Variants in MACC1 observed in about 807,000 individuals in gnomAD.
The protein encoded by MACC1 is metastasis-associated in colon cancer protein 1.
In MACC1, 79 loss-of-function variants were observed where a neutral mutation model predicts 70.7. The ratio of observed to expected loss-of-function variants is 1.12; its 90% CI spans 0.93 to 1.35. The LOEUF is 1.35. Ranked by LOEUF, MACC1 falls within the 40% of genes most tolerant of loss-of-function variation. MACC1 has a pLI of 0.00. For synonymous variants in MACC1, 361 were observed against 347.2 expected, an observed-to-expected ratio of 1.04 and a Z score of -0.44; for missense variants, 1,106 against 978.1, an observed-to-expected ratio of 1.13 and a Z score of -1.74.
At chr7:20,198,410 A>G (rs1782785560) in intron 1 of MACC1, 1 of 152,250 alleles carries the variant, frequency 6.6e-6, no homozygotes, top group South Asian at 2.1e-4. Context: ...TCCAGGATAT[A>G]AACAATGAAC....
At chr7:20,181,154 A>G (rs1284775804) in intron 1 of MACC1, among the ~76,000 whole-genome samples, 3 of 152,024 alleles carry the variant, frequency 2.0e-5, no homozygotes, top group African/African-American at 7.2e-5. Context: ...TGTACACATA[A>G]ACATGAAAGA....
At position 20,192,227 on chromosome 7, in the gene MACC1, T is replaced by C. The variant is rs1328513664; in HGVS notation, c.-217-21449A>G. Among the ~76,000 whole-genome samples the C allele has an allele frequency of 4.6e-5, 7 of 152,306 alleles. No homozygotes were observed. The East Asian group carries it at 1.3e-3, about 29-fold the overall frequency. On this transcript the variant is annotated intron_variant, in intron 1 of 6. Coordinates refer to ENST00000400331, the MANE Select transcript of MACC1 (RefSeq NM_182762.4). ...TTTCAAATTCCAATATAGGGTATTA[T>C]TGAGCAGGTAAACAATTAAGGAAAA...
At chr7:20,168,603 A>G (rs1782256110) in intron 2 of MACC1, among the ~76,000 whole-genome samples, 1 of 152,142 alleles carries the variant, frequency 6.6e-6, no homozygotes, top group African/African-American at 2.4e-5. Context: ...TCAACAGTAA[A>G]TCTCTTTAAT....
chr7:20,188,192 G>T (rs1384592642), intron 1 of MACC1, among the ~76,000 whole-genome samples: 3 of 152,214 alleles, frequency 2.0e-5, no homozygotes, highest in African/African-American at 7.2e-5. Context: ...CTTGACAGGT[G>T]AGGATTATTC....
At chr7:20,178,958 T>G (rs1353799483) in intron 1 of MACC1, among the ~76,000 whole-genome samples, 1 of 152,144 alleles carries the variant, frequency 6.6e-6, no homozygotes, top group Non-Finnish European at 1.5e-5. Context: ...CTGAAAAACA[T>G]TCAACTATTT....
chr7:20,151,072 A>G (rs796460413), intron 6 of MACC1, among the ~76,000 whole-genome samples: 18 of 151,786 alleles, frequency 1.2e-4, no homozygotes, highest in African/African-American at 4.1e-4. Context: ...AAAAAAAAAG[A>G]AAGGAAGTGA....
intron 6 of MACC1, among the ~76,000 whole-genome samples, chr7:20,142,599 A>G (rs1289220186): frequency 6.6e-6 from 1 of 152,206 alleles, no homozygotes; most frequent in East Asian, 1.9e-4. Flanking sequence ...ATTTCTGAAG[A>G]TTTACATTGA....
intron 2 of MACC1, among the ~76,000 whole-genome samples, chr7:20,169,968 A>G (rs1463323679): frequency 2.0e-5 from 3 of 152,104 alleles, no homozygotes; most frequent in Admixed American, 6.5e-5. Flanking sequence ...TCTCCTCTCA[A>G]TCAGATGTCT....
rs977056880 is a variant in MACC1, at chr7:20,134,724, G to A, written c.*6222C>T. On this transcript the variant is annotated 3_prime_UTR_variant, in exon 7 of 7. Transcript: ENST00000400331. ...TGCCCCAGTAAATTCCATGTATTGA[G>A]TTTAAGTGAGCATATAAACATTAGG... is the stretch of plus-strand genomic sequence containing the variant. The A allele has an allele frequency of 3.3e-5, 5 of 152,140 alleles. No individual in the cohort carries two copies. Among genetic ancestry groups the A allele is most frequent in the African/African-American group, 1.2e-4 (5 of 41,442 alleles). 9.4% of individuals were successfully genotyped at this position (152,140 alleles called of 1,614,324 possible).
At chr7:20,155,097 A>G (rs1018141234) in intron 5 of MACC1, among the ~76,000 whole-genome samples, 9 of 152,172 alleles carry the variant, frequency 5.9e-5, no homozygotes, top group Non-Finnish European at 1.2e-4. Context: ...GCTCTTACCT[A>G]ACCATGCATG....
intron 1 of MACC1, among the ~76,000 whole-genome samples, 188 bp downstream of exon 1, chr7:20,217,110 TG>T: frequency 6.6e-6 from 1 of 152,302 alleles, no homozygotes; most frequent in Non-Finnish European, 1.5e-5. Context: ...TTCTATTCTA[TG>T]TCATGAGGTT....
At position 20,137,222 on chromosome 7, in the gene MACC1, A is replaced by G. The variant is rs536399961; in HGVS notation, c.*3724T>C. 2 of 152,314 alleles carry G rather than the reference A, an allele frequency of 1.3e-5. No homozygotes were observed. The highest frequency in any genetic ancestry group is 2.1e-4 in the South Asian group (1 of 4,832). 9.4% of individuals were successfully genotyped at this position (152,314 alleles called of 1,614,324 possible). ...TGAGTGTATGCATGTTCTCTTTTGC[A>G]TGTTCACATTACACATTCAAGGCTG... On this transcript the variant is annotated 3_prime_UTR_variant, in exon 7 of 7. Transcript: ENST00000400331.
Position 20,164,327 on chromosome 7 carries a change from CTTCT to C in MACC1, c.-84_-81del, listed in dbSNP as rs1469889238. 5.3e-5 allele frequency: 8 copies of C among 152,124 alleles called. No individual in the cohort carries two copies. Among genetic ancestry groups the C allele is most frequent in the Non-Finnish European group, 1.2e-4 (8 of 68,036 alleles). The allele number at this position is 152,124 out of a possible 1,614,324, so 9.4% of individuals were successfully genotyped here. ...ACCCCTCCTTCTTTATTGTTATACT[CTTCT>C]TTCTAATTCTTGATTTTTTTCTTTT... On this transcript the variant is annotated 5_prime_UTR_variant, in exon 3 of 7. Coordinates refer to ENST00000400331, the MANE Select transcript of MACC1 (RefSeq NM_182762.4).
rs768276152 is a variant in MACC1, at chr7:20,141,089, C to A, written c.2416G>T (p.Val806Leu). 6.2e-7 allele frequency: 1 copy of A among 1,613,672 alleles called. No homozygotes were observed. The highest frequency in any genetic ancestry group is 1.3e-5 in the African/African-American group (1 of 75,032). ...AAAGCTGACTGAAGGTCTTGTAACACATCTCTGTAGTTATTTCCATAGTGA... is the reference window on the plus strand; with the variant it reads ...AAAGCTGACTGAAGGTCTTGTAACAAATCTCTGTAGTTATTTCCATAGTGA... ...SAHYGNNYRD[V>L]LQDLQSALDR... The change falls in exon 7 of 7, where the codon GTG (valine) becomes TTG (leucine). Residue 806 changes from valine to leucine, a missense_variant. Physicochemically the swap from Val to Leu is conservative, Grantham distance 32. Coordinates refer to ENST00000400331, the MANE Select transcript of MACC1 (RefSeq NM_182762.4).
chr7:20,215,060 G>A (rs73278547), intron 1 of MACC1, among the ~76,000 whole-genome samples: 6,600 of 150,900 alleles, frequency 0.044, 504 homozygotes, highest in African/African-American at 0.15. Context: ...GCTTCTGAAT[G>A]ACTCATATAC....
Position 20,159,645 on chromosome 7 carries a change from C to T in MACC1, c.716G>A (p.Gly239Asp). The change falls in exon 5 of 7, where the codon GGT (glycine) becomes GAT (aspartate). Residue 239 changes from glycine (G) to aspartate (D), a missense_variant. By Grantham distance (94) the Gly-to-Asp change is moderately conservative. Coordinates refer to ENST00000400331, the MANE Select transcript of MACC1 (RefSeq NM_182762.4). ...ESDITVHVPQ[G>D]HVAVGEFQEV... ...TTGGAATTCTCCCACAGCCACATGA[C>T]CTTGGGGCACATGAACAGTGATGTC... 1.2e-6 allele frequency: 2 copies of T among 1,614,130 alleles called. No individual in the cohort carries two copies. Among genetic ancestry groups the T allele is most frequent in the Non-Finnish European group, 1.7e-6 (2 of 1,180,026 alleles).
intron 1 of MACC1, among the ~76,000 whole-genome samples, chr7:20,206,060 C>G (rs12534836): frequency 1.3e-5 from 2 of 151,584 alleles, no homozygotes; most frequent in African/African-American, 4.8e-5. Flanking sequence ...TGAACTCCAT[C>G]GTCTTTCTCA....
chr7:20,160,344 A>C, intron 4 of MACC1, 99 bp from the exon 5 acceptor site: 1 of 1,391,276 alleles, frequency 7.2e-7, no homozygotes, highest in Non-Finnish European at 9.5e-7. Flanking sequence ...TTCAGGACTT[A>C]CTTTTCATTT....
rs1465888559 is a variant in MACC1, at chr7:20,180,795, T to A, written c.-217-10017A>T. Among the ~76,000 whole-genome samples, 4 of 152,158 alleles carry A rather than the reference T, an allele frequency of 2.6e-5. No homozygotes were observed. In the East Asian group the frequency reaches 7.7e-4, roughly 29 times the overall value. On this transcript the variant is annotated intron_variant, in intron 1 of 6. Transcript: ENST00000400331. ...CCGGGAAGCAGAGGTTTCAGTGAGGTGAGATTTCACCACTGCACTCCAGCA... is the reference window on the plus strand; with the variant it reads ...CCGGGAAGCAGAGGTTTCAGTGAGGAGAGATTTCACCACTGCACTCCAGCA...
Sources: gnomAD v4.1 joint callset for allele counts (sites outside exome capture counted in the v4.1 genomes callset) on GRCh38, gnomAD v4.1.1 for gene constraint, MANE v1.5 for transcripts, NCBI Gene and HGNC (gene_info 2026-07-23, HGNC 2026-07-21) for gene names.